The following RORA variants were observed in gnomAD, a reference collection of about 807,000 sequenced individuals.
RORA encodes the protein RAR related orphan receptor A.
In RORA, 7 loss-of-function variants were observed where a neutral mutation model predicts 69.5. The observed-to-expected ratio is 0.10, with a 90% CI of 0.06 to 0.19. The LOEUF (loss-of-function observed/expected upper bound fraction) is 0.19, where lower values mean the gene tolerates loss of function less well. Among genes scored for constraint, RORA ranks in the 10% least tolerant of loss-of-function variants. The probability of loss-of-function intolerance (pLI) is 1.00; values close to 1 mark genes in which losing one functional copy is unlikely to be tolerated. For synonymous variants in RORA, 261 were observed against 240.8 expected, an observed-to-expected ratio of 1.08 and a Z score of -0.78; for missense variants, 457 against 663.0, an observed-to-expected ratio of 0.69 and a Z score of 3.41.
chr15:60,985,039 G>C (rs910374262), intron 1 of RORA, among the ~76,000 whole-genome samples: 3 of 152,134 alleles, frequency 2.0e-5, no homozygotes, highest in Non-Finnish European at 4.4e-5. Flanking sequence ...AGAGTGGTTT[G>C]AGCAGGATTT....
intron 1 of RORA, among the ~76,000 whole-genome samples, chr15:61,129,527 G>A (rs766892950): frequency 6.6e-6 from 1 of 152,162 alleles, no homozygotes; most frequent in Non-Finnish European, 1.5e-5. Context: ...CTAGATAGTG[G>A]TGATGGTTGC....
Position 61,127,451 on chromosome 15 carries a change from G to A in RORA, c.166+101602C>T, listed in dbSNP as rs530516758. 1.4e-4 allele frequency among the ~76,000 whole-genome samples: 21 copies of A among 152,228 alleles called. No individual in the cohort carries two copies. In the East Asian group the frequency reaches 3.5e-3, roughly 25 times the overall value. On this transcript the variant is annotated intron_variant, in intron 1 of 10. Coordinates refer to ENST00000335670, the MANE Select transcript of RORA (RefSeq NM_134261.3). ...CCACATGTGATGTTCACACCTTTTC[G>A]GCTCTTTGTTCAAACTGTACGTTAT...
In RORA at chr15:60,495,623, G is replaced by A. The variant is rs2065148503; in HGVS notation, c.*1832C>T. 6.6e-6 allele frequency: 1 copy of A among 152,148 alleles called. No individual in the cohort carries two copies. Among genetic ancestry groups the A allele is most frequent in the East Asian group, 1.9e-4 (1 of 5,182 alleles). 9.4% of individuals were successfully genotyped at this position (152,148 alleles called of 1,614,324 possible). A position where few individuals can be genotyped will look rare whatever the true frequency, so the allele number is the denominator to read the frequency against. On this transcript the variant is annotated 3_prime_UTR_variant, in exon 11 of 11. Transcript: ENST00000335670. ...AGAAGATTCCGCAGGGACCCCAATG[G>A]CAGAGGAGACTATTTCTCAGACATA...
chr15:61,106,815 CA>C (rs1473310169), intron 1 of RORA, among the ~76,000 whole-genome samples: 2 of 152,346 alleles, frequency 1.3e-5, no homozygotes, highest in Admixed American at 6.5e-5. Flanking sequence ...AGGTTTAACA[CA>C]AATGCATTTT....
chr15:60,617,313 C>T (rs2072846093), intron 2 of RORA, among the ~76,000 whole-genome samples: 2 of 152,136 alleles, frequency 1.3e-5, no homozygotes, highest in Admixed American at 1.3e-4. Flanking sequence ...AAGTGCTTGT[C>T]CACTAATTGA....
intron 2 of RORA, among the ~76,000 whole-genome samples, chr15:60,605,173 T>C (rs562976524): frequency 6.6e-6 from 1 of 152,280 alleles, no homozygotes; most frequent in South Asian, 2.1e-4. Context: ...CTACACACGA[T>C]ATACTATGTA....
Position 61,037,369 on chromosome 15 carries a change from G to C in RORA, c.166+191684C>G, listed in dbSNP as rs374290837. Among the ~76,000 whole-genome samples the C allele has an allele frequency of 3.0e-4, 45 of 152,262 alleles. 2 individuals are homozygous for C. In the South Asian group the frequency reaches 6.8e-3, roughly 23 times the overall value. Reference sequence around the variant, plus strand: ...AATGAATACAGCTAAGCATAAAATAGAATCCTTATTAGGTATCCTCCCACC... The same window carrying C: ...AATGAATACAGCTAAGCATAAAATACAATCCTTATTAGGTATCCTCCCACC... On this transcript the variant is annotated intron_variant, in intron 1 of 10. Coordinates refer to ENST00000335670, the MANE Select transcript of RORA (RefSeq NM_134261.3).
At chr15:60,783,184 T>C (rs1429659606) in intron 1 of RORA, among the ~76,000 whole-genome samples, 1 of 152,142 alleles carries the variant, frequency 6.6e-6, no homozygotes, top group African/African-American at 2.4e-5. Flanking sequence ...AGGGGGTGCA[T>C]GTAAGATCTA....
chr15:61,024,164 C>A (rs1895680688), intron 1 of RORA, among the ~76,000 whole-genome samples: 1 of 151,680 alleles, frequency 6.6e-6, no homozygotes, highest in Non-Finnish European at 1.5e-5. Context: ...CTAAGGACAC[C>A]AGCATAACAG....
chr15:60,570,235 G>A (rs2140450372), intron 2 of RORA, among the ~76,000 whole-genome samples: 1 of 152,294 alleles, frequency 6.6e-6, no homozygotes, highest in South Asian at 2.1e-4. Context: ...TGGATGTGAA[G>A]ATAAACTGAG....
At chr15:60,598,061 T>C (rs924134049) in intron 2 of RORA, among the ~76,000 whole-genome samples, 1 of 152,032 alleles carries the variant, frequency 6.6e-6, no homozygotes, top group African/African-American at 2.4e-5. Context: ...TGTTTCACCA[T>C]ACGTCAAATA....
rs535810229 is a variant in RORA at position 60,739,766 on chromosome 15, T to C, written c.167-61080A>G. Among the ~76,000 whole-genome samples, 6 of 152,262 alleles carry C rather than the reference T, an allele frequency of 3.9e-5. No individual in the cohort carries two copies. In the South Asian group the frequency reaches 1.2e-3, roughly 32 times the overall value. ...CCTTGAGCTTTTCATCCTGCACATTTACCGCTTGTCTCTGGGAGCTGAGCC... is the reference window on the plus strand; with the variant it reads ...CCTTGAGCTTTTCATCCTGCACATTCACCGCTTGTCTCTGGGAGCTGAGCC... On this transcript the variant is annotated intron_variant, in intron 1 of 10. Transcript: ENST00000335670.
intron 2 of RORA, among the ~76,000 whole-genome samples, chr15:60,618,978 C>T (rs552850857): frequency 6.6e-6 from 1 of 152,324 alleles, no homozygotes; most frequent in South Asian, 2.1e-4. Flanking sequence ...TGTTCAAATG[C>T]AAACTTGACA....
chr15:60,827,531 A>G (rs1346974393), intron 1 of RORA, among the ~76,000 whole-genome samples: 1 of 152,240 alleles, frequency 6.6e-6, no homozygotes, highest in Admixed American at 6.5e-5. Flanking sequence ...ATTGAAGTGT[A>G]CTCCTAAAGG....
intron 2 of RORA, among the ~76,000 whole-genome samples, chr15:60,652,729 C>T (rs1197131148): frequency 6.6e-6 from 1 of 152,214 alleles, no homozygotes; most frequent in African/African-American, 2.4e-5. Context: ...CCATTTCCAT[C>T]AAGTGCACAG....
intron 1 of RORA, among the ~76,000 whole-genome samples, chr15:61,150,426 T>G (rs1452997252): frequency 6.6e-6 from 1 of 152,158 alleles, no homozygotes; most frequent in East Asian, 1.9e-4. Context: ...GTCTCATACA[T>G]TTGGTCTATA....
chr15:60,609,496 A>G (rs2069033710), intron 2 of RORA, among the ~76,000 whole-genome samples: 2 of 152,284 alleles, frequency 1.3e-5, no homozygotes, highest in South Asian at 4.1e-4. Context: ...TGTTCTGATC[A>G]TTTGTCACAC....
intron 1 of RORA, among the ~76,000 whole-genome samples, chr15:61,048,597 C>T (rs542853534): frequency 4.2e-4 from 64 of 152,286 alleles, no homozygotes; most frequent in Middle Eastern, 3.4e-3. Flanking sequence ...AGCCTGTTTC[C>T]GATTATTCTG....
At chr15:60,872,722 GTCTT>G (rs2073570401) in intron 1 of RORA, among the ~76,000 whole-genome samples, 1 of 152,068 alleles carries the variant, frequency 6.6e-6, no homozygotes, top group Non-Finnish European at 1.5e-5. Context: ...AGTACATCTG[GTCTT>G]TCTTGCACAA....
Sources: allele counts gnomAD v4.1 joint callset (sites outside exome capture counted in the v4.1 genomes callset), GRCh38; gene constraint gnomAD v4.1.1; transcripts MANE v1.5; gene names NCBI Gene and HGNC (gene_info 2026-07-23, HGNC 2026-07-21).